The following NRXN3 variants were observed in gnomAD, a reference collection of about 807,000 sequenced individuals.
NRXN3 encodes the protein neurexin III.
In NRXN3, 32 loss-of-function variants were observed where a neutral mutation model predicts 137.6. The observed-to-expected ratio is 0.23, with a 90% CI of 0.18 to 0.31. The LOEUF is 0.31. Among genes scored for constraint, NRXN3 ranks in the 10% least tolerant of loss-of-function variants. The pLI is 1.00. For missense variants in NRXN3, 1,574 were observed against 2,062.5 expected, an observed-to-expected ratio of 0.76 and a Z score of 4.59; for synonymous variants, 798 against 784.5, an observed-to-expected ratio of 1.02 and a Z score of -0.29.
intron 15 of NRXN3, among the ~76,000 whole-genome samples, chr14:79,007,959 G>A (rs1178997873): frequency 6.6e-6 from 1 of 152,028 alleles, no homozygotes; most frequent in African/African-American, 2.4e-5. Flanking sequence ...CTGGTTCTGT[G>A]GCTTAGAAGG....
chr14:79,192,678 C>G (rs1004082171), intron 15 of NRXN3, among the ~76,000 whole-genome samples: 7 of 152,024 alleles, frequency 4.6e-5, no homozygotes, highest in African/African-American at 1.5e-4. Context: ...TGTTAAACCC[C>G]TACTGTGTGC....
intron 15 of NRXN3, among the ~76,000 whole-genome samples, chr14:79,011,408 C>T (rs57201515): frequency 0.013 from 1,668 of 123,668 alleles, 43 homozygotes; most frequent in African/African-American, 0.03. Context: ...AACCCCACCC[C>T]ATACCTAGAT....
chr14:79,653,110 C>T (rs923076146), intron 16 of NRXN3, among the ~76,000 whole-genome samples: 1 of 151,992 alleles, frequency 6.6e-6, no homozygotes, highest in East Asian at 1.9e-4. Context: ...AGTCTGTTGG[C>T]CATTTTGTTT....
chr14:78,568,640 T>C (rs1017112696), intron 4 of NRXN3, among the ~76,000 whole-genome samples: 3 of 152,242 alleles, frequency 2.0e-5, no homozygotes, highest in Non-Finnish European at 4.4e-5. Flanking sequence ...CTTAAGTAGA[T>C]TTGGCATCAT....
intron 14 of NRXN3, among the ~76,000 whole-genome samples, chr14:78,972,022 G>A (rs1195343771): frequency 1.3e-5 from 2 of 152,160 alleles, no homozygotes; most frequent in Non-Finnish European, 2.9e-5. Flanking sequence ...GATGCAAAGT[G>A]TATAATTTAG....
At chr14:78,350,564 C>G (rs2083348208) in intron 4 of NRXN3, among the ~76,000 whole-genome samples, 2 of 151,990 alleles carry the variant, frequency 1.3e-5, no homozygotes, top group Non-Finnish European at 2.9e-5. Context: ...GTTTTGTCTA[C>G]CATGCAAAGA....
At chr14:79,272,675 T>A (rs951428668) in intron 15 of NRXN3, among the ~76,000 whole-genome samples, 2 of 152,160 alleles carry the variant, frequency 1.3e-5, no homozygotes, top group Non-Finnish European at 2.9e-5. Flanking sequence ...GACAAATAAT[T>A]ACTTATAAAA....
intron 8 of NRXN3, among the ~76,000 whole-genome samples, chr14:78,746,335 G>T (rs1595452937): frequency 6.6e-6 from 1 of 152,084 alleles, no homozygotes; most frequent in Non-Finnish European, 1.5e-5. Flanking sequence ...TATCATGTTG[G>T]GTTGCTCTAA....
chr14:79,221,893 G>A (rs752927291), intron 15 of NRXN3, among the ~76,000 whole-genome samples: 21 of 152,174 alleles, frequency 1.4e-4, no homozygotes, highest in Admixed American at 9.2e-4. Flanking sequence ...TAGGTCTTAC[G>A]TTTAAGTCTT....
At chr14:78,756,710 C>T (rs934015325) in intron 8 of NRXN3, among the ~76,000 whole-genome samples, 21 of 145,976 alleles carry the variant, frequency 1.4e-4, no homozygotes, top group African/African-American at 5.7e-4. Flanking sequence ...TTGGAAACAG[C>T]ATTGAAGAAC....
In NRXN3 at chr14:78,756,870, C is replaced by T. The variant is rs117467184; in HGVS notation, c.2044+41731C>T. ...AGTTCTTACAAATCCTATATTTCTC[C>T]TTAATTTTCATTTGGTGGGTTATTA... On this transcript the variant is annotated intron_variant, in intron 8 of 20. Transcript: ENST00000335750. 1.5e-3 allele frequency among the ~76,000 whole-genome samples: 232 copies of T among 152,306 alleles called. 1 individual carries two copies. Among genetic ancestry groups the T allele is most frequent in the Non-Finnish European group, 2.7e-3 (186 of 68,022 alleles).
intron 19 of NRXN3, among the ~76,000 whole-genome samples, chr14:79,714,850 A>G (rs2098818105): frequency 6.6e-6 from 1 of 152,154 alleles, no homozygotes; most frequent in South Asian, 2.1e-4. Context: ...ATCCTTTTTA[A>G]ATTCAAAAGA....
At position 79,287,585 on chromosome 14, in the gene NRXN3, C is replaced by G. The variant is rs368076215; in HGVS notation, c.3263-179636C>G. Among the ~76,000 whole-genome samples the G allele has an allele frequency of 1.1e-4, 17 of 152,160 alleles. No individual in the cohort carries two copies. In the East Asian group the frequency reaches 2.9e-3, roughly 26 times the overall value. ...TGGAAGTGAAGTACTTCTTTTAATG[C>G]AATTTCTTAGGCTTACTAGGGCTCA... On this transcript the variant is annotated intron_variant, in intron 15 of 20. Coordinates refer to ENST00000335750, the MANE Select transcript of NRXN3 (RefSeq NM_001330195.2).
intron 8 of NRXN3, among the ~76,000 whole-genome samples, chr14:78,764,712 G>A (rs2098703200): frequency 6.6e-6 from 1 of 152,194 alleles, no homozygotes; most frequent in East Asian, 1.9e-4. Flanking sequence ...GGGGAAATGC[G>A]TGGTCATTTC....
At chr14:78,987,900 T>G in intron 14 of NRXN3, 122 bp from the exon 15 acceptor site, 1 of 1,082,910 alleles carries the variant, frequency 9.2e-7, no homozygotes, top group South Asian at 1.7e-5. Flanking sequence ...ATTTTGGTGG[T>G]GTGTCTTCAA....
chr14:78,577,893 C>T (rs906906333), intron 4 of NRXN3, among the ~76,000 whole-genome samples: 2 of 152,148 alleles, frequency 1.3e-5, no homozygotes, highest in Non-Finnish European at 2.9e-5. Flanking sequence ...AGTATGATCT[C>T]TGAGGCCTAG....
At chr14:78,307,661 AAAAGACCAT>A (rs2153538916) in intron 4 of NRXN3, among the ~76,000 whole-genome samples, 1 of 152,236 alleles carries the variant, frequency 6.6e-6, no homozygotes, top group East Asian at 1.9e-4. Flanking sequence ...GCAGAGGTGG[AAAAGACCAT>A]ATGCTTTGTA....
intron 16 of NRXN3, among the ~76,000 whole-genome samples, chr14:79,494,510 A>C (rs1330931191): frequency 6.6e-6 from 1 of 152,200 alleles, no homozygotes; most frequent in African/African-American, 2.4e-5. Flanking sequence ...CCAGCCTTGC[A>C]TGAAACGTCA....
chr14:79,279,891 T>A lies in NRXN3; in HGVS notation c.3263-187330T>A, dbSNP rs575087703. ...GTTCGGGCTGCCTCCTTCTCTTCCT[T>A]CATTGCCACCTTTCCTCTGTGTGGC... On this transcript the variant is annotated intron_variant, in intron 15 of 20. Coordinates refer to ENST00000335750, the MANE Select transcript of NRXN3 (RefSeq NM_001330195.2). The A allele has an allele frequency of 1.2e-5, 12 of 1,018,902 alleles. No individual in the cohort carries two copies. In the East Asian group the frequency reaches 1.1e-3, roughly 90 times the overall value. The allele number at this position is 1,018,902 out of a possible 1,614,324, so 63.1% of individuals were successfully genotyped here.
Sources: gnomAD v4.1 joint callset for allele counts (sites outside exome capture counted in the v4.1 genomes callset) on GRCh38, gnomAD v4.1.1 for gene constraint, MANE v1.5 for transcripts, NCBI Gene and HGNC (gene_info 2026-07-23, HGNC 2026-07-21) for gene names.